Variants in ANKRD11 observed in about 807,000 individuals in gnomAD.
The protein encoded by ANKRD11 is ankyrin repeat domain 11.
A neutral mutation model predicts 195.7 loss-of-function variants in ANKRD11; 17 were observed. The ratio of observed to expected loss-of-function variants is 0.09; its 90% CI spans 0.06 to 0.13. The LOEUF (loss-of-function observed/expected upper bound fraction) is 0.13. Among genes scored for constraint, ANKRD11 ranks in the 10% least tolerant of loss-of-function variants. ANKRD11 has a pLI of 1.00. For synonymous variants in ANKRD11, 1,953 were observed against 1,528.1 expected (o/e 1.28, Z -6.49); for missense variants, 3,735 against 3,566.1 (o/e 1.05, Z -1.21).
At chr16:89,347,048 G>A (rs1391407992) in intron 2 of ANKRD11, among the ~76,000 whole-genome samples, 1 of 152,204 alleles carries the variant, frequency 6.6e-6, no homozygotes, top group East Asian at 1.9e-4. Flanking sequence ...AGAAGGCTCT[G>A]CTGGGCGAAA....
chr16:89,436,804 T>C (rs1428647193), intron 1 of ANKRD11, among the ~76,000 whole-genome samples: 5 of 152,258 alleles, frequency 3.3e-5, no homozygotes, highest in Admixed American at 3.3e-4. Context: ...AGGGAATTAA[T>C]AACTAGAGAA....
chr16:89,414,652 G>A (rs2042223107), intron 2 of ANKRD11, among the ~76,000 whole-genome samples: 1 of 152,214 alleles, frequency 6.6e-6, no homozygotes, highest in African/African-American at 2.4e-5. Context: ...GAGAGTGGAA[G>A]GGAGGGGCCA....
At chr16:89,335,899 A>C (rs569721495) in intron 2 of ANKRD11, among the ~76,000 whole-genome samples, 1 of 152,312 alleles carries the variant, frequency 6.6e-6, no homozygotes, top group South Asian at 2.1e-4. Context: ...ACACGCCAGC[A>C]GCTGACTGGC....
At chr16:89,404,361 A>G (rs1022508551) in intron 2 of ANKRD11, among the ~76,000 whole-genome samples, 2 of 152,222 alleles carry the variant, frequency 1.3e-5, no homozygotes, top group Admixed American at 1.3e-4. Context: ...TTTTGTAATC[A>G]AAGGGCATGA....
At chr16:89,480,523 A>G (rs1467446652) in intron 1 of ANKRD11, among the ~76,000 whole-genome samples, 1 of 152,186 alleles carries the variant, frequency 6.6e-6, no homozygotes, top group Non-Finnish European at 1.5e-5. Context: ...TTCCAACCAA[A>G]TATTAATTAG....
At chr16:89,293,295 G>A (rs538585445) in intron 4 of ANKRD11, among the ~76,000 whole-genome samples, 1 of 152,312 alleles carries the variant, frequency 6.6e-6, no homozygotes, top group East Asian at 1.9e-4. Flanking sequence ...CCTGGGAGCA[G>A]ACGGCATCTC....
chr16:89,294,814 C>T (rs62070781), intron 4 of ANKRD11, among the ~76,000 whole-genome samples: 13,127 of 152,228 alleles, frequency 0.086, 827 homozygotes, highest in East Asian at 0.35. Flanking sequence ...GACCTGGAGC[C>T]GTGTGCCCCT....
rs114902118 is a variant in ANKRD11, at chr16:89,350,558, C to G, written c.-59-33480G>C. Among the ~76,000 whole-genome samples the G allele has an allele frequency of 3.8e-3, 580 of 152,306 alleles. 2 individuals are homozygous for G. The highest frequency in any genetic ancestry group is 0.014 in the African/African-American group (564 of 41,552). ...CACACCAGACACAAGAGTCCACACT[C>G]AATGATTCCATTCATATTAAATTCT... On this transcript the variant is annotated intron_variant, in intron 2 of 12. Transcript: ENST00000301030.
intron 1 of ANKRD11, among the ~76,000 whole-genome samples, chr16:89,449,543 G>C (rs529373670): frequency 3.3e-5 from 5 of 151,720 alleles, no homozygotes; most frequent in African/African-American, 1.2e-4. Flanking sequence ...CCTGTAATCC[G>C]AGCACTTTGG....
intron 2 of ANKRD11, among the ~76,000 whole-genome samples, chr16:89,337,219 C>T (rs186347405): frequency 2.5e-4 from 38 of 151,550 alleles, no homozygotes; most frequent in African/African-American, 8.5e-4. Context: ...CAAATTAAAA[C>T]GCCAAACGCA....
intron 1 of ANKRD11, among the ~76,000 whole-genome samples, chr16:89,488,442 C>T (rs541841733): frequency 1.3e-5 from 2 of 150,338 alleles, no homozygotes; most frequent in Admixed American, 6.7e-5. Context: ...AGACATCCGC[C>T]CCCCCCCCTT....
chr16:89,275,622 C>T (rs763242904), intron 9 of ANKRD11, among the ~76,000 whole-genome samples: 5 of 152,130 alleles, frequency 3.3e-5, no homozygotes, highest in Non-Finnish European at 7.4e-5. Flanking sequence ...CAGGCTGTAA[C>T]GTGCACAGTG....
chr16:89,283,118 C>A lies in ANKRD11; in HGVS notation c.3424G>T (p.Asp1142Tyr), dbSNP rs373193679. The change falls in exon 9 of 13, where the codon GAC becomes TAC. Residue 1142 changes from aspartate (D) to tyrosine (Y), a missense_variant. Physicochemically the swap from Asp to Tyr is radical, Grantham distance 160 (BLOSUM62 -3). Coordinates refer to ENST00000301030, the MANE Select transcript of ANKRD11 (RefSeq NM_013275.6). This position sits in a 1 kb window ranked among gnomAD's most constrained non-coding sequence, Gnocchi z 4.3. ...TGGAGGCCGTCCGTCCTCGGCAAGT[C>A]GCTGGCCTCTCCCATCTTGAACCCG... is the stretch of plus-strand genomic sequence containing the variant. ...GSGFKMGEAS[D>Y]LPRTDGLQEK... The A allele has an allele frequency of 6.2e-7, 1 of 1,613,984 alleles. No individual in the cohort carries two copies. Among genetic ancestry groups the A allele is most frequent in the African/African-American group, 1.3e-5 (1 of 75,018 alleles).
chr16:89,398,867 G>A (rs997855412), intron 2 of ANKRD11, among the ~76,000 whole-genome samples: 3 of 152,176 alleles, frequency 2.0e-5, no homozygotes, highest in Non-Finnish European at 4.4e-5. Context: ...GAGTACAGAT[G>A]CAGTGGCAGG....
chr16:89,370,051 CCTT>C (rs1208083870), intron 2 of ANKRD11, among the ~76,000 whole-genome samples: 1 of 152,242 alleles, frequency 6.6e-6, no homozygotes, highest in Non-Finnish European at 1.5e-5. Flanking sequence ...AGAACGCAAA[CCTT>C]CTGGCTTCAG....
At chr16:89,482,919 T>G (rs1014262628) in intron 1 of ANKRD11, among the ~76,000 whole-genome samples, 1 of 152,224 alleles carries the variant, frequency 6.6e-6, no homozygotes, top group Non-Finnish European at 1.5e-5. Flanking sequence ...GATTCTCCCC[T>G]GGAGCCTCCA....
At chr16:89,395,833 C>T (rs2041401647) in intron 2 of ANKRD11, 1 of 152,220 alleles carries the variant, frequency 6.6e-6, no homozygotes, top group Non-Finnish European at 1.5e-5. Context: ...AGCCAGTTCA[C>T]TGGAGGACTG....
At chr16:89,409,936 T>G (rs1005562425) in intron 2 of ANKRD11, among the ~76,000 whole-genome samples, 26 of 152,148 alleles carry the variant, frequency 1.7e-4, no homozygotes, top group Admixed American at 5.9e-4. Context: ...GCCTCCCGGG[T>G]TCACGCCATT....
intron 2 of ANKRD11, among the ~76,000 whole-genome samples, chr16:89,375,062 C>T (rs1484323074): frequency 6.6e-6 from 1 of 152,026 alleles, no homozygotes; most frequent in Non-Finnish European, 1.5e-5. Context: ...TACATGGCAT[C>T]GTTCAGCAGA....
Sources: allele counts gnomAD v4.1 joint callset (sites outside exome capture counted in the v4.1 genomes callset), GRCh38; gene constraint gnomAD v4.1.1; non-coding constraint Gnocchi (gnomAD v3.1); transcripts MANE v1.5; gene names NCBI Gene and HGNC (gene_info 2026-07-23, HGNC 2026-07-21).